Variants in MEX3D observed in about 807,000 individuals in gnomAD.
MEX3D encodes mex-3 RNA binding family member D.
Under a neutral mutation model 6.3 loss-of-function variants are expected in MEX3D, and 4 were observed. The observed-to-expected ratio is 0.64, with a 90% CI of 0.31 to 1.46. The LOEUF (loss-of-function observed/expected upper bound fraction) is 1.46. Ranked by LOEUF, MEX3D falls within the 40% of genes most tolerant of loss-of-function variation. The probability of loss-of-function intolerance (pLI) is 0.07; values close to 1 mark genes in which losing one functional copy is unlikely to be tolerated. For synonymous variants in MEX3D, 626 were observed against 494.1 expected, an observed-to-expected ratio of 1.27 and a Z score of -3.54; for missense variants, 1,038 against 994.4, an observed-to-expected ratio of 1.04 and a Z score of -0.59.
intron 1 of MEX3D, among the ~76,000 whole-genome samples, chr19:1,566,614 G>C (rs1322931616): frequency 6.6e-6 from 1 of 152,080 alleles, no homozygotes; most frequent in Non-Finnish European, 1.5e-5. Context: ...AAAGTTGAGG[G>C]AGGCAGGCGG....
At chr19:1,566,259 C>A (rs578063593) in intron 1 of MEX3D, among the ~76,000 whole-genome samples, 10 of 152,316 alleles carry the variant, frequency 6.6e-5, no homozygotes, top group Non-Finnish European at 1.3e-4. Context: ...CAGCACCATG[C>A]CTGACCCTCC....
chr19:1,557,025 TC>T (rs1914591164), intron 1 of MEX3D, 102 bp from the exon 2 acceptor site: 1 of 1,367,320 alleles, frequency 7.3e-7, no homozygotes, highest in Non-Finnish European at 9.9e-7. Flanking sequence ...AGCCCCTACC[TC>T]CCAGCCTGTG....
chr19:1,564,122 C>T (rs1211811476), intron 1 of MEX3D, among the ~76,000 whole-genome samples: 1 of 152,072 alleles, frequency 6.6e-6, no homozygotes, highest in Non-Finnish European at 1.5e-5. Context: ...GCAGCCTCTG[C>T]CTCCCCATCT....
Position 1,555,282 on chromosome 19 carries a change from A to G in MEX3D, c.*281T>C. ...GGGTGTCTAAAAATAAGAAAACTAA[A>G]AAAAGTGCAAGCGGACCTTTTCTCT... On this transcript the variant is annotated 3_prime_UTR_variant, in exon 2 of 2. Transcript: ENST00000402693. The G allele has an allele frequency of 6.5e-7, 1 of 1,545,192 alleles. No individual in the cohort carries two copies. The highest frequency in any genetic ancestry group is 8.8e-7 in the Non-Finnish European group (1 of 1,137,414).
rs1175510220 is a variant in MEX3D, at chr19:1,567,941, G to T, written c.118C>A (p.Gln40Lys). ...PGPAPPPEGA[Q>K]EAAPAPRPPP... The stretch of plus-strand genomic sequence containing the variant: ...GGCCGGGGCGCGGGCGCGGCCTCCT[G>T]GGCGCCCTCGGGCGGGGGCGCAGGT... Residue 40 changes from glutamine (Q) to lysine (K), a missense_variant, in exon 1 of 2, where the codon CAG (glutamine) becomes AAG (lysine). By Grantham distance (53) the Gln-to-Lys change is moderately conservative. This residue lies in a region of MEX3D where 265 missense variants were observed against 206.3 expected (regional missense o/e 1.28). Transcript: ENST00000402693. The surrounding 1 kb of genome is among the most constrained non-coding windows in gnomAD (Gnocchi z 6.5). The T allele has an allele frequency of 5.1e-6, 5 of 977,738 alleles. No homozygotes were observed. The African/African-American group carries it at 8.9e-5, about 18-fold the overall frequency. The allele number at this position is 977,738 out of a possible 1,614,324, so 60.6% of individuals were successfully genotyped here. A position where few individuals can be genotyped will look rare whatever the true frequency, so the allele number is the denominator to read the frequency against.
Position 1,555,403 on chromosome 19 carries a change from T to TA in MEX3D, c.*159dup. ...CCGTCTCCACGCCTGAGGCGGCAGT[T>TA]AAAGCTCATCTGTAAACACTGGCCG... On this transcript the variant is annotated 3_prime_UTR_variant, in exon 2 of 2. Transcript: ENST00000402693. 1 of 1,599,310 alleles carries TA rather than the reference T, an allele frequency of 6.3e-7. No homozygotes were observed. The highest frequency in any genetic ancestry group is 8.5e-7 in the Non-Finnish European group (1 of 1,172,794).
intron 1 of MEX3D, among the ~76,000 whole-genome samples, chr19:1,559,559 C>T (rs542452798): frequency 1.5e-3 from 226 of 152,354 alleles, no homozygotes; most frequent in African/African-American, 5.2e-3. Flanking sequence ...GGCCACTGCG[C>T]CCGGCCCGTG....
Position 1,556,799 on chromosome 19 carries a change from G to T in MEX3D, c.720C>A (p.Ile240=), listed in dbSNP as rs772546301. Residue 240 remains isoleucine, a synonymous_variant, in exon 2 of 2, where the codon ATC becomes ATA. Transcript: ENST00000402693. This position sits in a 1 kb window ranked among gnomAD's most constrained non-coding sequence, Gnocchi z 7.5. ...KEDVEMAKRE[I]LSAAEHFSII... is the part of the protein sequence containing the mutation. ...TGGAGAAGTGTTCGGCCGCCGACAG[G>T]ATCTCACGCTTGGCCATCTCCACGT... 1.2e-6 allele frequency: 2 copies of T among 1,612,634 alleles called. No homozygotes were observed. Among genetic ancestry groups the T allele is most frequent in the Non-Finnish European group, 1.7e-6 (2 of 1,179,802 alleles).
Position 1,555,328 on chromosome 19 carries a change from C to A in MEX3D, c.*235G>T. ...TCTCTCCGGTTTATTGTAACCTGAC[C>A]ACTCAATACTGTCGTTGAAGGGCTG... On this transcript the variant is annotated 3_prime_UTR_variant, in exon 2 of 2. Coordinates refer to ENST00000402693, the MANE Select transcript of MEX3D (RefSeq NM_203304.4). 1 of 1,599,200 alleles carries A rather than the reference C, an allele frequency of 6.3e-7. No homozygotes were observed. Among genetic ancestry groups the A allele is most frequent in the Admixed American group, 1.7e-5 (1 of 59,564 alleles).
rs1914575979 is a variant in MEX3D at position 1,556,704 on chromosome 19, C to T, written c.815G>A (p.Gly272Glu). The T allele has an allele frequency of 1.2e-6, 2 of 1,610,956 alleles. No individual in the cohort carries two copies. The highest frequency in any genetic ancestry group is 1.1e-5 in the South Asian group (1 of 90,974). ...CACGCGCACCTGGATGGTGGTCTGT[C>T]CGGGAAGGTTGGGCGGGCCCTGGGC... The part of the protein sequence containing the change: ...GAAQGPPNLP[G>E]QTTIQVRVPY... Residue 272 changes from glycine (G) to glutamate (E), a missense_variant, in exon 2 of 2, where the codon GGA becomes GAA. Physicochemically the swap from Gly to Glu is moderately conservative, Grantham distance 98. This residue lies in a region of MEX3D where 65 missense variants were observed against 109.3 expected (regional missense o/e 0.59). Transcript: ENST00000402693. The surrounding 1 kb of genome is among the most constrained non-coding windows in gnomAD (Gnocchi z 7.5).
At chr19:1,560,666 G>A (rs1250562196) in intron 1 of MEX3D, among the ~76,000 whole-genome samples, 3 of 152,210 alleles carry the variant, frequency 2.0e-5, no homozygotes, top group East Asian at 1.9e-4. Flanking sequence ...CCACGCGTGC[G>A]TCGGGGCAGG....
At chr19:1,558,481 G>A (rs374595629) in intron 1 of MEX3D, among the ~76,000 whole-genome samples, 6 of 151,658 alleles carry the variant, frequency 4.0e-5, no homozygotes, top group East Asian at 3.9e-4. Flanking sequence ...CATAGCCCCC[G>A]GAAACTGAAG....
intron 1 of MEX3D, among the ~76,000 whole-genome samples, chr19:1,562,812 C>T (rs1320386795): frequency 6.6e-6 from 1 of 152,018 alleles, no homozygotes; most frequent in South Asian, 2.1e-4. Context: ...GTCAGGAGTT[C>T]GAGACCGGCC....
chr19:1,561,457 G>C (rs1244277983), intron 1 of MEX3D, among the ~76,000 whole-genome samples: 1 of 152,200 alleles, frequency 6.6e-6, no homozygotes, highest in Non-Finnish European at 1.5e-5. Context: ...TCCCAGACCT[G>C]GGCCACTATG....
chr19:1,568,047 C>T lies in MEX3D; in HGVS notation c.12G>A (p.Ser4=), dbSNP rs983032560. The T allele has an allele frequency of 1.4e-5, 14 of 978,508 alleles. No homozygotes were observed. Among genetic ancestry groups the T allele is most frequent in the East Asian group, 2.4e-4 (2 of 8,466 alleles). The allele number at this position is 978,508 out of a possible 1,614,324, so 60.6% of individuals were successfully genotyped here. The change falls in exon 1 of 2, where the codon TCG becomes TCA. Residue 4 remains serine (S), a synonymous_variant. Transcript: ENST00000402693. The part of the protein sequence containing the change: MPS[S]LGQPDGGGGG... The stretch of plus-strand genomic sequence containing the variant: ...CCCCGCCGCCGTCGGGCTGGCCGAG[C>T]GAGCTGGGCATGGCGGGAGCTAGCG...
Position 1,556,388 on chromosome 19 carries a change from G to A in MEX3D, c.1131C>T (p.Pro377=). ...CCGTGGGGGGCCGTCGTCCCTGGTTGGGGGTCTTGGCCCAGAGGCTGGCGG... is the reference window on the plus strand; with the variant it reads ...CCGTGGGGGGCCGTCGTCCCTGGTTAGGGGTCTTGGCCCAGAGGCTGGCGG... ...GAAASLWAKT[P]NQGRRPPTAT... The change falls in exon 2 of 2, where the codon CCC becomes CCT. Residue 377 remains proline (P), a synonymous_variant. Coordinates refer to ENST00000402693, the MANE Select transcript of MEX3D (RefSeq NM_203304.4). The surrounding 1 kb of genome is among the most constrained non-coding windows in gnomAD (Gnocchi z 7.5). 1 of 1,546,484 alleles carries A rather than the reference G, an allele frequency of 6.5e-7. No individual in the cohort carries two copies. The highest frequency in any genetic ancestry group is 1.2e-5 in the South Asian group (1 of 85,208).
intron 1 of MEX3D, among the ~76,000 whole-genome samples, chr19:1,558,253 T>C (rs1324491564): frequency 6.6e-6 from 1 of 150,462 alleles, no homozygotes; most frequent in Non-Finnish European, 1.5e-5. Context: ...TAGTCTTAGC[T>C]ACTCAGGAGG....
intron 1 of MEX3D, among the ~76,000 whole-genome samples, chr19:1,563,175 CCCA>C (rs1914761294): frequency 6.6e-6 from 1 of 152,138 alleles, no homozygotes; most frequent in Non-Finnish European, 1.5e-5. Context: ...TGGCATGGTC[CCCA>C]CCAACACCCC....
chr19:1,565,819 C>A (rs1376239705), intron 1 of MEX3D, among the ~76,000 whole-genome samples: 1 of 152,214 alleles, frequency 6.6e-6, no homozygotes, highest in Non-Finnish European at 1.5e-5. Context: ...CATGGACCTG[C>A]CCCTAGAGAA....
Sources: gnomAD v4.1 joint callset for allele counts (sites outside exome capture counted in the v4.1 genomes callset) on GRCh38, gnomAD v4.1.1 for gene constraint, gnomAD v4.1.1 regional missense constraint, Gnocchi (gnomAD v3.1) non-coding constraint, MANE v1.5 for transcripts, NCBI Gene and HGNC (gene_info 2026-07-23, HGNC 2026-07-21) for gene names.